Variants in DPP10 observed in about 807,000 individuals in gnomAD.
DPP10 encodes the protein inactive dipeptidyl peptidase 10.
Under a neutral mutation model 120.9 loss-of-function variants are expected in DPP10, and 33 were observed. That is an observed-to-expected ratio of 0.27 (90% CI 0.21 to 0.37). DPP10 has a LOEUF of 0.37. Among genes scored for constraint, DPP10 ranks in the 10% least tolerant of loss-of-function variants. DPP10 has a pLI of 1.00. For missense variants in DPP10, 816 were observed against 942.8 expected, an observed-to-expected ratio of 0.87 and a Z score of 1.76; for synonymous variants, 337 against 326.1, an observed-to-expected ratio of 1.03 and a Z score of -0.36.
intron 5 of DPP10, among the ~76,000 whole-genome samples, chr2:115,608,758 A>G (rs1382727742): frequency 6.6e-6 from 1 of 152,166 alleles, no homozygotes; most frequent in African/African-American, 2.4e-5. Context: ...ATAGAACATG[A>G]AAGTGGGGAG....
chr2:115,492,785 A>G (rs1001283487), intron 3 of DPP10, among the ~76,000 whole-genome samples: 2 of 152,152 alleles, frequency 1.3e-5, no homozygotes, highest in East Asian at 3.9e-4. Context: ...AAAACCCAAA[A>G]CAAACACATC....
intron 21 of DPP10, among the ~76,000 whole-genome samples, chr2:115,818,929 C>T (rs1318596895): frequency 6.6e-6 from 1 of 151,492 alleles, no homozygotes; most frequent in African/African-American, 2.4e-5. Flanking sequence ...TATTCCAGGT[C>T]AAACAAATAT....
At position 114,586,961 on chromosome 2, in the gene DPP10, T is replaced by C. The variant is rs1691033505; in HGVS notation, c.60+144123T>C. On this transcript the variant is annotated intron_variant, in intron 1 of 25. Transcript: ENST00000410059. The stretch of plus-strand genomic sequence containing the variant: ...CAGATGCTGGTAACCATGCTTCTTG[T>C]ATGGCCTGCAAAACCATAAGTCAAA... 2.6e-5 allele frequency among the ~76,000 whole-genome samples: 4 copies of C among 152,202 alleles called. No homozygotes were observed. In the South Asian group the frequency reaches 6.2e-4, roughly 24 times the overall value.
chr2:115,493,012 T>C (rs2076206386), intron 3 of DPP10, among the ~76,000 whole-genome samples: 1 of 152,132 alleles, frequency 6.6e-6, no homozygotes, highest in Non-Finnish European at 1.5e-5. Flanking sequence ...AAGTTTTACA[T>C]ATGTGGAGAA....
intron 1 of DPP10, among the ~76,000 whole-genome samples, chr2:114,867,613 A>T (rs960100113): frequency 4.6e-5 from 7 of 152,144 alleles, no homozygotes; most frequent in African/African-American, 1.4e-4. Flanking sequence ...TCTTAATATG[A>T]TCTTGCTCGA....
At chr2:115,297,865 G>A (rs1210552710) in intron 1 of DPP10, among the ~76,000 whole-genome samples, 3 of 151,992 alleles carry the variant, frequency 2.0e-5, no homozygotes, top group Non-Finnish European at 2.9e-5. Flanking sequence ...ATCAATCCCA[G>A]AAATTTTGGG....
intron 1 of DPP10, among the ~76,000 whole-genome samples, chr2:114,665,619 T>C (rs940086447): frequency 2.0e-5 from 3 of 152,172 alleles, no homozygotes; most frequent in Admixed American, 6.5e-5. Context: ...ATACTTCTCA[T>C]TTAGGGGAAT....
chr2:114,958,030 T>A (rs1419787807), intron 1 of DPP10, among the ~76,000 whole-genome samples: 1 of 152,132 alleles, frequency 6.6e-6, no homozygotes, highest in Admixed American at 6.5e-5. Flanking sequence ...GGGGTTTAAT[T>A]GAGCAATGAA....
At chr2:115,769,025 G>A (rs1216211281) in intron 13 of DPP10, among the ~76,000 whole-genome samples, 1 of 151,840 alleles carries the variant, frequency 6.6e-6, no homozygotes, top group Admixed American at 6.6e-5. Flanking sequence ...GGTTTATACA[G>A]TTTTATTATA....
chr2:115,134,380 T>C (rs1053795884), intron 1 of DPP10, among the ~76,000 whole-genome samples: 3 of 152,320 alleles, frequency 2.0e-5, no homozygotes, highest in Non-Finnish European at 2.9e-5. Flanking sequence ...TTATTATGCA[T>C]GAAGTGGCTG....
intron 1 of DPP10, among the ~76,000 whole-genome samples, chr2:114,574,686 C>A (rs1549732): frequency 6.6e-6 from 1 of 152,156 alleles, no homozygotes; most frequent in East Asian, 1.9e-4. Context: ...CAACACAAAA[C>A]TGCTACTTAC....
intron 5 of DPP10, among the ~76,000 whole-genome samples, chr2:115,587,089 C>CTTTTTTTTTTTTTTTTTT (rs756810925): frequency 1.3e-4 from 14 of 103,914 alleles, no homozygotes; most frequent in South Asian, 3.3e-4. Flanking sequence ...TTTTCTCTTT[C>CTTTTTTTTTTTTTTTTTT]TTTTTTTTTT....
chr2:115,533,448 T>C (rs1204508918), intron 5 of DPP10, among the ~76,000 whole-genome samples: 1 of 152,100 alleles, frequency 6.6e-6, no homozygotes, highest in Admixed American at 6.6e-5. Context: ...ATTTTATAGC[T>C]CTGGGTACAG....
At chr2:114,724,247 T>G (rs1701897398) in intron 1 of DPP10, among the ~76,000 whole-genome samples, 1 of 152,244 alleles carries the variant, frequency 6.6e-6, no homozygotes, top group East Asian at 1.9e-4. Context: ...GGCTCTAGAT[T>G]AACTGATGCC....
chr2:115,500,894 A>T (rs1347448777), intron 4 of DPP10, among the ~76,000 whole-genome samples: 4 of 151,982 alleles, frequency 2.6e-5, no homozygotes, highest in African/African-American at 9.7e-5. Flanking sequence ...GGGATACTAG[A>T]AAAAAGCCTA....
chr2:114,541,341 G>A (rs13025685), intron 1 of DPP10, among the ~76,000 whole-genome samples: 8,228 of 152,236 alleles, frequency 0.054, 288 homozygotes, highest in South Asian at 0.098. Context: ...ACTGGACACT[G>A]GGAGGTGACT....
At chr2:114,956,579 T>C (rs1023709191) in intron 1 of DPP10, among the ~76,000 whole-genome samples, 1 of 152,192 alleles carries the variant, frequency 6.6e-6, no homozygotes. Flanking sequence ...TCATTTTTCA[T>C]GGAAAGAAAA....
At chr2:114,715,182 A>C (rs2105882728) in intron 1 of DPP10, among the ~76,000 whole-genome samples, 1 of 152,328 alleles carries the variant, frequency 6.6e-6, no homozygotes, top group South Asian at 2.1e-4. Context: ...TCCCACTTGA[A>C]ATTAAGACAG....
At chr2:115,186,742 C>G (rs1227998163) in intron 1 of DPP10, among the ~76,000 whole-genome samples, 3 of 152,116 alleles carry the variant, frequency 2.0e-5, no homozygotes, top group Non-Finnish European at 2.9e-5. Flanking sequence ...TAGGAGGAGC[C>G]ATGTCATGGA....
Sources: allele counts gnomAD v4.1 joint callset (sites outside exome capture counted in the v4.1 genomes callset), GRCh38; gene constraint gnomAD v4.1.1; transcripts MANE v1.5; gene names NCBI Gene and HGNC (gene_info 2026-07-23, HGNC 2026-07-21).